BCL7C: variants seen among roughly 807,000 people sequenced by gnomAD.
BCL7C encodes the protein B-cell CLL/lymphoma 7 protein family member C.
A neutral mutation model predicts 26.2 loss-of-function variants in BCL7C; 8 were observed. The observed-to-expected ratio is 0.30, with a 90% CI of 0.18 to 0.55. The LOEUF (loss-of-function observed/expected upper bound fraction) is 0.55. Among genes scored for constraint, BCL7C ranks in the 20% least tolerant of loss-of-function variants. The pLI, the probability that BCL7C is intolerant of heterozygous loss-of-function variation, is 0.93. For missense variants in BCL7C, 262 were observed against 298.5 expected (o/e 0.88, Z 0.90); for synonymous variants, 90 against 116.5 (o/e 0.77, Z 1.47).
chr16:30,888,774 C>G, intron 5 of BCL7C, 86 bp downstream of exon 5: 1 of 1,321,010 alleles, frequency 7.6e-7, no homozygotes, highest in South Asian at 1.2e-5. Context: ...CCTCCAGGCC[C>G]TCAGGACGCA....
At position 30,834,903 on chromosome 16, in the gene BCL7C, A is replaced by T; in HGVS notation, c.*45T>A. 1 of 1,452,570 alleles carries T rather than the reference A, an allele frequency of 6.9e-7. No homozygotes were observed. The highest frequency in any genetic ancestry group is 1.4e-5 in the South Asian group (1 of 71,122). The allele number at this position is 1,452,570 out of a possible 1,614,324, so 90.0% of individuals were successfully genotyped here. ...ACAGGTAGTGGCTGGATCTTGGGGCAGCCAAGGGAGGCTTTAGGGGTCTTG... is the reference window on the plus strand; with the variant it reads ...ACAGGTAGTGGCTGGATCTTGGGGCTGCCAAGGGAGGCTTTAGGGGTCTTG... On this transcript the variant is annotated 3_prime_UTR_variant, in exon 6 of 6. Transcript: ENST00000380317. The surrounding 1 kb of genome is among the most constrained non-coding windows in gnomAD (Gnocchi z 4.3).
At chr16:30,888,809 A>G in intron 5 of BCL7C, 51 bp downstream of exon 5, 1 of 1,571,236 alleles carries the variant, frequency 6.4e-7, no homozygotes, top group Non-Finnish European at 8.7e-7. Flanking sequence ...GACTGCCCAG[A>G]TCCCCCATTC....
intron 5 of BCL7C, among the ~76,000 whole-genome samples, chr16:30,861,729 T>C (rs536674645): frequency 2.5e-4 from 38 of 152,062 alleles, no homozygotes; most frequent in Admixed American, 6.6e-5. Flanking sequence ...TCTTAATCAA[T>C]ATGGAGGCTA....
intron 2 of BCL7C, 22 bp from the exon 3 acceptor site, chr16:30,892,970 T>A (rs1157085978): frequency 1.3e-6 from 2 of 1,599,244 alleles, no homozygotes; most frequent in Non-Finnish European, 1.7e-6. Flanking sequence ...AGGATTAGGG[T>A]CAGAGCTCTT....
intron 4 of BCL7C, among the ~76,000 whole-genome samples, chr16:30,891,632 C>T (rs2055239021): frequency 6.6e-6 from 1 of 152,148 alleles, no homozygotes. Flanking sequence ...TGAGCACCTA[C>T]TATGTGTCCC....
At chr16:30,852,642 C>A (rs1321618155) in intron 5 of BCL7C, among the ~76,000 whole-genome samples, 1 of 151,888 alleles carries the variant, frequency 6.6e-6, no homozygotes, top group Non-Finnish European at 1.5e-5. Context: ...CAGGCGCATG[C>A]CACCAGGCCT....
rs768400764 is a variant in BCL7C at position 30,888,934 on chromosome 16, T to C, written c.454A>G (p.Ile152Val). ...RLGQERDPGGITAGSTDEPPM... is the reference protein window; with the variant it reads ...RLGQERDPGGVTAGSTDEPPM... ...GGTTCGTCGGTGCTGCCAGCAGTTA[T>C]GCCCCCGGGATCTGGAACGTCAAGG... The change falls in exon 5 of 6, where the codon ATA (isoleucine) becomes GTA (valine). Residue 152 changes from isoleucine to valine, a missense_variant. Coordinates refer to ENST00000215115, the MANE Select transcript of BCL7C (RefSeq NM_004765.4). 2.5e-6 allele frequency: 4 copies of C among 1,613,984 alleles called. No homozygotes were observed. Among genetic ancestry groups the C allele is most frequent in the Admixed American group, 1.7e-5 (1 of 60,016 alleles).
chr16:30,892,554 G>A (rs779903571), intron 4 of BCL7C, 32 bp downstream of exon 4: 4 of 1,527,872 alleles, frequency 2.6e-6, no homozygotes, highest in Non-Finnish European at 3.5e-6. Context: ...AGGACTTAGA[G>A]GAGAGAGCTC....
intron 5 of BCL7C, among the ~76,000 whole-genome samples, chr16:30,873,915 C>T (rs550530033): frequency 3.4e-3 from 417 of 124,300 alleles, no homozygotes; most frequent in African/African-American, 0.012. Flanking sequence ...TATAATTTTT[C>T]CTCCTCTCTC....
exon 6 of BCL7C, chr16:30,835,134 T>C: frequency 6.6e-7 from 1 of 1,519,406 alleles, no homozygotes; most frequent in South Asian, 1.2e-5. Context: ...TCCTCGTCAT[T>C]CTCACTCCCG....
chr16:30,878,965 TGG>T (rs1379303776), intron 5 of BCL7C, among the ~76,000 whole-genome samples: 1 of 152,110 alleles, frequency 6.6e-6, no homozygotes, highest in Non-Finnish European at 1.5e-5. Context: ...GGCTCAGCCA[TGG>T]GGAGCCATGG....
In BCL7C at chr16:30,834,805, G is replaced by A; in HGVS notation, c.*143C>T. 1.3e-6 allele frequency: 1 copy of A among 781,436 alleles called. No individual in the cohort carries two copies. Among genetic ancestry groups the A allele is most frequent in the Non-Finnish European group, 2.0e-6 (1 of 512,584 alleles). 48.4% of individuals were successfully genotyped at this position (781,436 alleles called of 1,614,324 possible). A position where few individuals can be genotyped will look rare whatever the true frequency, so the allele number is the denominator to read the frequency against. The stretch of plus-strand genomic sequence containing the variant: ...ATGGGTGCTGTGGCCTTAGGTTCGG[G>A]CAGGTGTGGGGCCGCTCGCCCTCCG... On this transcript the variant is annotated 3_prime_UTR_variant, in exon 6 of 6. Transcript: ENST00000380317. The surrounding 1 kb of genome is among the most constrained non-coding windows in gnomAD (Gnocchi z 4.3).
downstream of BCL7C, among the ~76,000 whole-genome samples, chr16:30,884,898 C>T (rs1247477679): frequency 2.6e-5 from 4 of 152,126 alleles, no homozygotes; most frequent in African/African-American, 9.7e-5. Context: ...GATTCAAACC[C>T]GGAACCTGAA....
intron 5 of BCL7C, among the ~76,000 whole-genome samples, chr16:30,877,584 C>T (rs1301678302): frequency 2.0e-5 from 3 of 151,962 alleles, no homozygotes; most frequent in Admixed American, 1.3e-4. Context: ...GGACTACAGG[C>T]ACCCGCCACC....
intron 4 of BCL7C, among the ~76,000 whole-genome samples, chr16:30,891,384 C>T (rs1303101386): frequency 1.3e-5 from 2 of 151,950 alleles, no homozygotes; most frequent in South Asian, 2.1e-4. Context: ...ATTGCCTGAA[C>T]CCAGGAGGTG....
intron 5 of BCL7C, among the ~76,000 whole-genome samples, chr16:30,855,209 C>G (rs1014523916): frequency 6.6e-6 from 1 of 152,026 alleles, no homozygotes; most frequent in African/African-American, 2.4e-5. Flanking sequence ...TTCTCCACAT[C>G]TGATATAGGC....
intron 5 of BCL7C, among the ~76,000 whole-genome samples, chr16:30,857,972 CAAAAA>C (rs58563705): frequency 4.3e-5 from 5 of 115,998 alleles, no homozygotes; most frequent in African/African-American, 6.5e-5. Flanking sequence ...ACTCCAACTC[CAAAAA>C]AAAAAAAAAA....
intron 5 of BCL7C, among the ~76,000 whole-genome samples, chr16:30,844,041 C>CAAA (rs533064710): frequency 1.6e-4 from 4 of 24,378 alleles, no homozygotes; most frequent in Non-Finnish European, 2.1e-4. Context: ...GACTCTGCCT[C>CAAA]AAAAAAAAAA....
intron 4 of BCL7C, among the ~76,000 whole-genome samples, chr16:30,889,164 G>A (rs2055184771): frequency 6.6e-6 from 1 of 152,172 alleles, no homozygotes; most frequent in Non-Finnish European, 1.5e-5. Context: ...AGTATGACAC[G>A]TGAGACAGAG....
Sources: gnomAD v4.1 joint callset for allele counts (sites outside exome capture counted in the v4.1 genomes callset) on GRCh38, gnomAD v4.1.1 for gene constraint, Gnocchi (gnomAD v3.1) non-coding constraint, MANE v1.5 for transcripts, NCBI Gene and HGNC (gene_info 2026-07-23, HGNC 2026-07-21) for gene names.